The following FHOD3 variants were observed in gnomAD, a reference collection of about 807,000 sequenced individuals.
FHOD3 encodes the protein FH1/FH2 domain-containing protein 3.
Under a neutral mutation model 173.0 loss-of-function variants are expected in FHOD3, and 90 were observed. That is an observed-to-expected ratio of 0.52 (90% CI 0.44 to 0.62). The LOEUF (loss-of-function observed/expected upper bound fraction) is 0.62, where lower values mean the gene tolerates loss of function less well. Among genes scored for constraint, FHOD3 ranks in the 20% least tolerant of loss-of-function variants. The probability of loss-of-function intolerance (pLI) is 0.00; values close to 1 mark genes in which losing one functional copy is unlikely to be tolerated. For missense variants in FHOD3, 1,945 were observed against 2,034.7 expected (o/e 0.96, Z 0.85); for synonymous variants, 828 against 823.0 (o/e 1.01, Z -0.10).
chr18:36,366,946 A>G (rs947355301), intron 2 of FHOD3, among the ~76,000 whole-genome samples: 1 of 152,144 alleles, frequency 6.6e-6, no homozygotes, highest in Non-Finnish European at 1.5e-5. Flanking sequence ...CATTGATTTC[A>G]CTGTTGGTTG....
intron 5 of FHOD3, among the ~76,000 whole-genome samples, chr18:36,566,564 A>C (rs1325509497): frequency 4.6e-5 from 7 of 152,274 alleles, no homozygotes; most frequent in African/African-American, 1.2e-4. Context: ...AGCAAGACGG[A>C]ACCAGAAGGT....
chr18:36,324,661 T>C (rs1288011189), intron 1 of FHOD3, among the ~76,000 whole-genome samples: 2 of 152,216 alleles, frequency 1.3e-5, no homozygotes. Context: ...AAAACTATAG[T>C]GATACTACTG....
At chr18:36,465,530 G>A (rs1350074698) in intron 3 of FHOD3, among the ~76,000 whole-genome samples, 1 of 152,124 alleles carries the variant, frequency 6.6e-6, no homozygotes, top group East Asian at 1.9e-4. Context: ...ACCCGCCCTT[G>A]TGGAAGGCTT....
chr18:36,778,864 G>A (rs924084893), intron 28 of FHOD3: 2 of 152,460 alleles, frequency 1.3e-5, no homozygotes, highest in African/African-American at 2.4e-5. Flanking sequence ...GGAGAGATTT[G>A]TCCTCACTGC....
chr18:36,506,942 CT>C (rs2055336359), intron 4 of FHOD3, among the ~76,000 whole-genome samples: 1 of 152,206 alleles, frequency 6.6e-6, no homozygotes, highest in Non-Finnish European at 1.5e-5. Flanking sequence ...TGTTTATTCT[CT>C]CCCCCCAAAA....
chr18:36,561,475 C>T (rs945756116), intron 5 of FHOD3, among the ~76,000 whole-genome samples: 10 of 152,072 alleles, frequency 6.6e-5, no homozygotes, highest in African/African-American at 2.2e-4. Flanking sequence ...GCCTTAGTTG[C>T]GTTTATGATT....
chr18:36,570,082 A>G (rs1358399591), intron 5 of FHOD3, among the ~76,000 whole-genome samples: 2 of 152,118 alleles, frequency 1.3e-5, no homozygotes, highest in Non-Finnish European at 2.9e-5. Context: ...AAAGCGGAGA[A>G]AAAAATAGAG....
At chr18:36,774,300 C>T (rs547899722) in intron 28 of FHOD3, among the ~76,000 whole-genome samples, 1 of 152,384 alleles carries the variant, frequency 6.6e-6, no homozygotes, top group African/African-American at 2.4e-5. Context: ...AAGGAAGCCA[C>T]AGCCAGACCA....
chr18:36,305,452 C>T (rs1053864971), intron 1 of FHOD3, among the ~76,000 whole-genome samples: 8 of 152,172 alleles, frequency 5.3e-5, no homozygotes, highest in African/African-American at 1.9e-4. Flanking sequence ...CTTTGAATAT[C>T]TTTAACGTTC....
intron 6 of FHOD3, among the ~76,000 whole-genome samples, chr18:36,593,202 T>C (rs1338126474): frequency 6.6e-6 from 1 of 152,180 alleles, no homozygotes; most frequent in Non-Finnish European, 1.5e-5. Flanking sequence ...CTGGATTTGA[T>C]ACCATGGAGG....
At chr18:36,496,703 C>T (rs574916827) in intron 3 of FHOD3, among the ~76,000 whole-genome samples, 50 of 152,198 alleles carry the variant, frequency 3.3e-4, no homozygotes, top group Admixed American at 1.6e-3. Context: ...ATGATGATGA[C>T]GCTAGTATTG....
intron 9 of FHOD3, among the ~76,000 whole-genome samples, chr18:36,614,076 G>A (rs1307342918): frequency 6.6e-6 from 1 of 152,096 alleles, no homozygotes; most frequent in African/African-American, 2.4e-5. Context: ...ATATTCACAA[G>A]GTTGTACAAT....
At chr18:36,389,328 C>T (rs1392045061) in intron 3 of FHOD3, among the ~76,000 whole-genome samples, 2 of 152,334 alleles carry the variant, frequency 1.3e-5, no homozygotes, top group East Asian at 3.9e-4. Flanking sequence ...TTCCTCCCAC[C>T]CCGCCATTGT....
chr18:36,622,500 C>T (rs2033793747), intron 9 of FHOD3, among the ~76,000 whole-genome samples: 1 of 152,126 alleles, frequency 6.6e-6, no homozygotes, highest in Admixed American at 6.5e-5. Context: ...GATTCTGGAC[C>T]CTACTTGCTC....
chr18:36,425,046 A>G (rs1447301783), intron 3 of FHOD3, among the ~76,000 whole-genome samples: 3 of 152,208 alleles, frequency 2.0e-5, no homozygotes, highest in Non-Finnish European at 4.4e-5. Flanking sequence ...TGCGTCCCCT[A>G]GGGAAAAGGT....
At chr18:36,508,269 C>CT (rs112692459) in intron 4 of FHOD3, among the ~76,000 whole-genome samples, 24,581 of 145,922 alleles carry the variant, frequency 0.17, 2,970 homozygotes, top group East Asian at 0.58. Context: ...AGCAAATAAG[C>CT]TTTTTTTTTT....
intron 3 of FHOD3, among the ~76,000 whole-genome samples, chr18:36,413,367 A>AT (rs2049458214): frequency 6.6e-6 from 1 of 152,056 alleles, no homozygotes; most frequent in African/African-American, 2.4e-5. Flanking sequence ...GAGGTTTAAT[A>AT]TTTCCTCTAG....
intron 15 of FHOD3, among the ~76,000 whole-genome samples, chr18:36,685,343 C>G (rs533818295): frequency 2.6e-5 from 4 of 152,146 alleles, no homozygotes; most frequent in Admixed American, 1.3e-4. Flanking sequence ...ATGGTGACTG[C>G]AGTTCCATAT....
intron 1 of FHOD3, among the ~76,000 whole-genome samples, chr18:36,300,196 G>A (rs1420223983): frequency 6.6e-6 from 1 of 152,134 alleles, no homozygotes; most frequent in African/African-American, 2.4e-5. Context: ...CCCACTTTTT[G>A]TGCTAGAAGT....
Sources: gnomAD v4.1 joint callset for allele counts (sites outside exome capture counted in the v4.1 genomes callset) on GRCh38, gnomAD v4.1.1 for gene constraint, MANE v1.5 for transcripts, NCBI Gene and HGNC (gene_info 2026-07-23, HGNC 2026-07-21) for gene names.